SPOCK3: variants seen among roughly 807,000 people sequenced by gnomAD.
SPOCK3 encodes the protein SPARC (osteonectin), cwcv and kazal like domains proteoglycan 3.
In SPOCK3, 30 loss-of-function variants were observed where a neutral mutation model predicts 56.6. That is an observed-to-expected ratio of 0.53 (90% CI 0.40 to 0.72). The LOEUF is 0.72. SPOCK3 is among the 30% of genes least tolerant of loss of function. The pLI, the probability that SPOCK3 is intolerant of heterozygous loss-of-function variation, is 0.00. For missense variants in SPOCK3, 527 were observed against 530.0 expected, an observed-to-expected ratio of 0.99 and a Z score of 0.06; for synonymous variants, 196 against 183.3, an observed-to-expected ratio of 1.07 and a Z score of -0.56.
intron 3 of SPOCK3, among the ~76,000 whole-genome samples, chr4:167,020,353 CAT>C (rs1314456236): frequency 6.6e-6 from 1 of 152,044 alleles, no homozygotes; most frequent in Non-Finnish European, 1.5e-5. Flanking sequence ...AAGAGGGTAA[CAT>C]GTCTTCAAAG....
intron 4 of SPOCK3, among the ~76,000 whole-genome samples, chr4:166,918,934 CTG>C (rs1274315092): frequency 1.3e-5 from 2 of 152,222 alleles, no homozygotes; most frequent in East Asian, 3.9e-4. Context: ...CCTGGCCTCT[CTG>C]TCTTGATTTC....
rs1251716192 is a variant in SPOCK3 at position 167,151,027 on chromosome 4, C to T, written c.189+82958G>A. ...AGTTGAAGACAATATTGCATCTGAG[C>T]CCATCATCTGGTGAAGCATGACACA... On this transcript the variant is annotated intron_variant, in intron 2 of 10. Coordinates refer to ENST00000357545, the MANE Select transcript of SPOCK3 (RefSeq NM_001040159.2). Among the ~76,000 whole-genome samples the T allele has an allele frequency of 4.6e-5, 7 of 152,240 alleles. No homozygotes were observed. The South Asian group carries it at 1.0e-3, about 23-fold the overall frequency.
rs559252674 is a variant in SPOCK3 at position 167,039,707 on chromosome 4, G to A, written c.235+22785C>T. Among the ~76,000 whole-genome samples the A allele has an allele frequency of 5.9e-5, 9 of 151,746 alleles. No individual in the cohort carries two copies. In the South Asian group the frequency reaches 1.7e-3, roughly 28 times the overall value. On this transcript the variant is annotated intron_variant, in intron 3 of 10. Coordinates refer to ENST00000357545, the MANE Select transcript of SPOCK3 (RefSeq NM_001040159.2). Reference sequence around the variant, plus strand: ...AAAAAAAATGCTGAAAAGTTGCACTGTATACACTGTCAAAATTAAGTGAAA... The same window carrying A: ...AAAAAAAATGCTGAAAAGTTGCACTATATACACTGTCAAAATTAAGTGAAA...
chr4:166,846,300 T>G (rs1162455770), intron 6 of SPOCK3, among the ~76,000 whole-genome samples: 1 of 152,162 alleles, frequency 6.6e-6, no homozygotes, highest in Non-Finnish European at 1.5e-5. Flanking sequence ...AGTATGTTTC[T>G]ATCATTTGCC....
chr4:167,205,756 G>A (rs937811290), intron 2 of SPOCK3, among the ~76,000 whole-genome samples: 2 of 147,824 alleles, frequency 1.4e-5, no homozygotes, highest in African/African-American at 5.0e-5. Flanking sequence ...GGGATTACAG[G>A]CGCGCCACCA....
At chr4:166,829,274 T>G (rs572411679) in intron 6 of SPOCK3, among the ~76,000 whole-genome samples, 1 of 151,970 alleles carries the variant, frequency 6.6e-6, no homozygotes, top group Non-Finnish European at 1.5e-5. Flanking sequence ...ATGTAAAAGT[T>G]AGCAGATAAA....
intron 2 of SPOCK3, among the ~76,000 whole-genome samples, chr4:167,082,917 A>C (rs376589314): frequency 6.6e-6 from 1 of 151,132 alleles, no homozygotes; most frequent in Non-Finnish European, 1.5e-5. Context: ...GAGAGAGAGA[A>C]AGGCCAACCG....
chr4:167,141,272 C>T (rs1053923685), intron 2 of SPOCK3, among the ~76,000 whole-genome samples: 2 of 151,990 alleles, frequency 1.3e-5, no homozygotes, highest in Non-Finnish European at 2.9e-5. Flanking sequence ...GGTTTTGGAC[C>T]TCAGCCTCCT....
At chr4:167,041,112 A>T (rs1580095772) in intron 3 of SPOCK3, among the ~76,000 whole-genome samples, 1 of 152,210 alleles carries the variant, frequency 6.6e-6, no homozygotes, top group African/African-American at 2.4e-5. Context: ...AAAATAGATT[A>T]AAATTCTGCT....
chr4:167,080,691 A>G (rs909580586), intron 2 of SPOCK3, among the ~76,000 whole-genome samples: 7 of 151,952 alleles, frequency 4.6e-5, no homozygotes, highest in East Asian at 1.9e-4. Context: ...TCAGATTTTG[A>G]TGGTAGTCAT....
At chr4:166,915,212 T>C (rs943082133) in intron 4 of SPOCK3, among the ~76,000 whole-genome samples, 1 of 152,120 alleles carries the variant, frequency 6.6e-6, no homozygotes. Flanking sequence ...TTTATAAAAA[T>C]GTATCCTAGA....
chr4:167,112,984 C>CA (rs1482424203), intron 2 of SPOCK3, among the ~76,000 whole-genome samples: 1 of 152,100 alleles, frequency 6.6e-6, no homozygotes, highest in Non-Finnish European at 1.5e-5. Context: ...CCCCTATCAT[C>CA]AGGCTATTTC....
chr4:166,747,992 A>C (rs1378521537), intron 8 of SPOCK3, among the ~76,000 whole-genome samples: 1 of 152,176 alleles, frequency 6.6e-6, no homozygotes, highest in Non-Finnish European at 1.5e-5. Flanking sequence ...AAAAAGATAC[A>C]AACAACTGGA....
At chr4:166,817,403 G>A (rs1024646473) in intron 6 of SPOCK3, among the ~76,000 whole-genome samples, 1 of 151,998 alleles carries the variant, frequency 6.6e-6, no homozygotes, top group African/African-American at 2.4e-5. Context: ...CCTTGAAAAG[G>A]CATTTCAGAA....
intron 9 of SPOCK3, among the ~76,000 whole-genome samples, chr4:166,740,657 C>G (rs1197100420): frequency 6.6e-6 from 1 of 151,970 alleles, no homozygotes; most frequent in East Asian, 1.9e-4. Flanking sequence ...GCCAGAGTAG[C>G]TGTGATTACA....
At chr4:167,053,786 T>C (rs1754476853) in intron 3 of SPOCK3, among the ~76,000 whole-genome samples, 1 of 152,056 alleles carries the variant, frequency 6.6e-6, no homozygotes, top group South Asian at 2.1e-4. Flanking sequence ...AGGCTCTGAT[T>C]TAAGAAGAAA....
At chr4:166,903,101 T>C (rs1736232157) in intron 5 of SPOCK3, among the ~76,000 whole-genome samples, 1 of 147,484 alleles carries the variant, frequency 6.8e-6, no homozygotes, top group Non-Finnish European at 1.5e-5. Flanking sequence ...TTATTTAATT[T>C]ATATTTATTT....
chr4:166,834,411 A>T (rs1746399626), intron 6 of SPOCK3, among the ~76,000 whole-genome samples: 1 of 152,172 alleles, frequency 6.6e-6, no homozygotes, highest in East Asian at 1.9e-4. Context: ...AATTCAGTTT[A>T]TTTGATGGCT....
rs188469518 is a variant in SPOCK3 at position 166,947,419 on chromosome 4, C to T, written c.351-34676G>A. Among the ~76,000 whole-genome samples, 9 of 152,200 alleles carry T rather than the reference C, an allele frequency of 5.9e-5. No homozygotes were observed. In the East Asian group the frequency reaches 1.2e-3, roughly 20 times the overall value. On this transcript the variant is annotated intron_variant, in intron 4 of 10. Transcript: ENST00000357545. The stretch of plus-strand genomic sequence containing the variant: ...TTTCCTGAATGTTCATTCATTATAA[C>T]GCTGTGCAGAACTTTGTTTACTAAA...
Sources: gnomAD v4.1 joint callset for allele counts (sites outside exome capture counted in the v4.1 genomes callset) on GRCh38, gnomAD v4.1.1 for gene constraint, MANE v1.5 for transcripts, NCBI Gene and HGNC (gene_info 2026-07-23, HGNC 2026-07-21) for gene names.